Variants in ATP8B4 observed in about 807,000 individuals in gnomAD.
The protein encoded by ATP8B4 is probable phospholipid-transporting ATPase IM.
In ATP8B4, 133 loss-of-function variants were observed where a neutral mutation model predicts 145.6. The ratio of observed to expected loss-of-function variants is 0.91; its 90% confidence interval spans 0.79 to 1.05. ATP8B4 has a LOEUF of 1.05. Among genes scored for constraint, ATP8B4 ranks in the 50% least tolerant of loss-of-function variants. ATP8B4 has a pLI of 0.00. For missense variants in ATP8B4, 1,458 were observed against 1,425.2 expected, an observed-to-expected ratio of 1.02 and a Z score of -0.37; for synonymous variants, 507 against 492.9, an observed-to-expected ratio of 1.03 and a Z score of -0.38.
chr15:50,071,996 AT>A (rs2053767088), intron 3 of ATP8B4, among the ~76,000 whole-genome samples: 4 of 151,636 alleles, frequency 2.6e-5, no homozygotes, highest in African/African-American at 9.7e-5. Context: ...AAAAAGAGAA[AT>A]TTAAGCTACC....
chr15:50,016,101 A>G (rs1325096597), intron 6 of ATP8B4, among the ~76,000 whole-genome samples: 1 of 152,180 alleles, frequency 6.6e-6, no homozygotes, highest in African/African-American at 2.4e-5. Context: ...ATAGACACAC[A>G]ATTTAGTCTT....
intron 1 of ATP8B4, among the ~76,000 whole-genome samples, chr15:50,159,062 C>A (rs1351230715): frequency 6.6e-6 from 1 of 152,088 alleles, no homozygotes; most frequent in Non-Finnish European, 1.5e-5. Context: ...TATGACCCTG[C>A]CAAATCCCCC....
At chr15:50,120,177 T>C (rs2057252779), upstream of ATP8B4, among the ~76,000 whole-genome samples, 1 of 152,142 alleles carries the variant, frequency 6.6e-6, no homozygotes, top group African/African-American at 2.4e-5. Flanking sequence ...GCTAATCCCC[T>C]GCGCACCATC....
intron 6 of ATP8B4, among the ~76,000 whole-genome samples, chr15:50,036,740 C>T (rs191091499): frequency 1.1e-3 from 175 of 152,268 alleles, no homozygotes; most frequent in African/African-American, 3.9e-3. Context: ...CAAACACAAT[C>T]AAGAGAAAGG....
intron 1 of ATP8B4, among the ~76,000 whole-genome samples, chr15:50,155,948 C>T (rs2044404364): frequency 6.7e-6 from 1 of 149,900 alleles, no homozygotes; most frequent in Admixed American, 6.6e-5. Context: ...ATGTTTTTTT[C>T]AGTTTCAAAT....
At chr15:50,102,314 T>G (rs1311757518) in intron 2 of ATP8B4, among the ~76,000 whole-genome samples, 2 of 151,388 alleles carry the variant, frequency 1.3e-5, no homozygotes, top group Non-Finnish European at 2.9e-5. Context: ...AGCTGAATCT[T>G]TGAAAAGGTA....
intron 2 of ATP8B4, among the ~76,000 whole-genome samples, chr15:50,081,543 C>A (rs12900234): frequency 0.021 from 3,165 of 152,252 alleles, 47 homozygotes; most frequent in Non-Finnish European, 0.031. Flanking sequence ...GCCTCTTCTC[C>A]ATCATAATAT....
rs529039685 is a variant in ATP8B4 at position 50,163,450 on chromosome 15, T to C, written c.-43+18811A>G. ...CCCCTAGATTACCAGGCAGATACACTTGTTCTATTTCTTTACTTTTCCCCA... is the reference window on the plus strand; with the variant it reads ...CCCCTAGATTACCAGGCAGATACACCTGTTCTATTTCTTTACTTTTCCCCA... On this transcript the variant is annotated intron_variant, in intron 1 of 3. Transcript: ENST00000558829. 2.0e-5 allele frequency among the ~76,000 whole-genome samples: 3 copies of C among 152,346 alleles called. No homozygotes were observed. In the South Asian group the frequency reaches 6.2e-4, roughly 32 times the overall value.
chr15:50,034,852 G>C (rs1024537484), intron 6 of ATP8B4, among the ~76,000 whole-genome samples: 2 of 152,270 alleles, frequency 1.3e-5, no homozygotes, highest in Middle Eastern at 3.4e-3. Flanking sequence ...CGGTGGCCAG[G>C]AATAGTTAGC....
chr15:49,995,902 A>C (rs2047386974), intron 9 of ATP8B4, among the ~76,000 whole-genome samples: 1 of 152,104 alleles, frequency 6.6e-6, no homozygotes, highest in African/African-American at 2.4e-5. Flanking sequence ...CTAAAATCCT[A>C]CAATCAGTGT....
chr15:50,119,958 T>C (rs942495949), upstream of ATP8B4, among the ~76,000 whole-genome samples: 5 of 151,300 alleles, frequency 3.3e-5, no homozygotes, highest in African/African-American at 1.2e-4. Flanking sequence ...ATCTTTTAGT[T>C]TGGAATTGCT....
chr15:50,014,404 G>A (rs1044890348), intron 6 of ATP8B4, among the ~76,000 whole-genome samples: 1 of 152,108 alleles, frequency 6.6e-6, no homozygotes, highest in South Asian at 2.1e-4. Flanking sequence ...TGCAGTGAAT[G>A]AATGATAAAT....
chr15:50,042,549 C>T (rs572700466), intron 5 of ATP8B4, among the ~76,000 whole-genome samples: 8 of 152,330 alleles, frequency 5.3e-5, no homozygotes, highest in Non-Finnish European at 1.0e-4. Context: ...ATCTTCCCCC[C>T]TTAAAGAACC....
intron 6 of ATP8B4, among the ~76,000 whole-genome samples, chr15:50,031,676 G>T (rs572299314): frequency 1.3e-5 from 2 of 152,134 alleles, no homozygotes; most frequent in South Asian, 2.1e-4. Context: ...CCAGCAGAAG[G>T]CCATATCATA....
At chr15:49,924,129 G>C (rs2040501079) in intron 16 of ATP8B4, among the ~76,000 whole-genome samples, 1 of 152,006 alleles carries the variant, frequency 6.6e-6, no homozygotes, top group Non-Finnish European at 1.5e-5. Flanking sequence ...CGGTAGTACT[G>C]TGTTTTTAAC....
chr15:50,119,633 G>A (rs1035630562), upstream of ATP8B4, among the ~76,000 whole-genome samples: 11 of 152,062 alleles, frequency 7.2e-5, no homozygotes, highest in African/African-American at 2.4e-4. Flanking sequence ...AGGGGACACC[G>A]GCTACCAGGC....
At chr15:50,093,396 A>G (rs2055739697) in intron 2 of ATP8B4, among the ~76,000 whole-genome samples, 1 of 152,102 alleles carries the variant, frequency 6.6e-6, no homozygotes, top group Non-Finnish European at 1.5e-5. Flanking sequence ...TAAAAATTTG[A>G]TTAAAAGAGT....
chr15:49,963,980 C>G (rs1031884310), intron 13 of ATP8B4, among the ~76,000 whole-genome samples: 4 of 151,940 alleles, frequency 2.6e-5, no homozygotes, highest in Non-Finnish European at 5.9e-5. Context: ...AATAAACTTG[C>G]AAAGTGAAGA....
upstream of ATP8B4, among the ~76,000 whole-genome samples, chr15:50,123,153 C>T (rs2057284468): frequency 6.6e-6 from 1 of 152,124 alleles, no homozygotes; most frequent in African/African-American, 2.4e-5. Flanking sequence ...GAGACTGAAG[C>T]CACCTTTGCA....
Sources: gnomAD v4.1 joint callset for allele counts (sites outside exome capture counted in the v4.1 genomes callset) on GRCh38, gnomAD v4.1.1 for gene constraint, MANE v1.5 for transcripts, NCBI Gene and HGNC (gene_info 2026-07-23, HGNC 2026-07-21) for gene names.